Variants in THBS2 observed in about 807,000 individuals in gnomAD.
The protein encoded by THBS2 is thrombospondin 2, also known as thrombospondin-2.
A neutral mutation model predicts 135.2 loss-of-function variants in THBS2; 47 were observed. The ratio of observed to expected loss-of-function variants is 0.35; its 90% CI spans 0.28 to 0.44. The LOEUF is 0.44. Ranked by LOEUF, THBS2 falls within the 20% of genes least tolerant of loss-of-function variation. THBS2 has a pLI of 1.00. For missense variants in THBS2, 1,288 were observed against 1,603.1 expected, an observed-to-expected ratio of 0.80 and a Z score of 3.36; for synonymous variants, 639 against 633.8, an observed-to-expected ratio of 1.01 and a Z score of -0.12.
intron 21 of THBS2, chr6:169,219,743 A>C (rs1006780034): frequency 2.7e-5 from 14 of 516,280 alleles, no homozygotes; most frequent in South Asian, 4.2e-5. Flanking sequence ...ATGGAATTAG[A>C]GCAGATGGAA....
rs1779985925 is a variant in THBS2, at chr6:169,235,050, T to C, written c.1478-143A>G. 4.0e-6 allele frequency: 3 copies of C among 758,358 alleles called. No individual in the cohort carries two copies. In the South Asian group the frequency reaches 6.0e-5, roughly 15 times the overall value. 47.0% of individuals were successfully genotyped at this position (758,358 alleles called of 1,614,324 possible). A position where few individuals can be genotyped will look rare whatever the true frequency, so the allele number is the denominator to read the frequency against. ...CTGGTTTCTCCCCAGGTTGGCTGAC[T>C]ACAGGTCAGAGCGTGATCGCACCAC... On this transcript the variant is annotated intron_variant, in intron 9 of 21. Coordinates refer to ENST00000617924, the MANE Select transcript of THBS2 (RefSeq NM_003247.5).
rs762992635 is a variant in THBS2 at position 169,229,592 on chromosome 6, C to A, written c.2239G>T (p.Asp747Tyr). 6.2e-7 allele frequency: 1 copy of A among 1,614,126 alleles called. No individual in the cohort carries two copies. Among genetic ancestry groups the A allele is most frequent in the South Asian group, 1.1e-5 (1 of 91,074 alleles). ...GDACDDDDDN[D>Y]GVTDEKDNCQ... ...CCTACCTTCTCATCGGTCACACCGTCATTGTCATCGTCATCATCACAGGCA... is the reference window on the plus strand; with the variant it reads ...CCTACCTTCTCATCGGTCACACCGTAATTGTCATCGTCATCATCACAGGCA... Residue 747 changes from aspartate (D) to tyrosine (Y), a missense_variant, in exon 14 of 22, where the codon GAC becomes TAC. Around this residue, in one of 2 missense-constraint regions of THBS2, gnomAD observed 874 missense variants for 1,156.1 expected, o/e 0.76. Transcript: ENST00000617924.
chr6:169,232,867 C>T, intron 11 of THBS2, 23 bp downstream of exon 11: 1 of 1,604,108 alleles, frequency 6.2e-7, no homozygotes, highest in Admixed American at 1.7e-5. Context: ...AGGGCGCCCA[C>T]AGCCCAGGGC....
chr6:169,223,757 A>G (rs1779518203), intron 17 of THBS2, among the ~76,000 whole-genome samples: 1 of 152,328 alleles, frequency 6.6e-6, no homozygotes, highest in South Asian at 2.1e-4. Flanking sequence ...CCGTGTTCCA[A>G]ACTCAATGCT....
chr6:169,234,927 G>C lies in THBS2; in HGVS notation c.1478-20C>G. The C allele has an allele frequency of 6.6e-7, 1 of 1,512,198 alleles. No homozygotes were observed. The highest frequency in any genetic ancestry group is 8.9e-7 in the Non-Finnish European group (1 of 1,127,612). The allele number at this position is 1,512,198 out of a possible 1,614,324, so 93.7% of individuals were successfully genotyped here. ...CATCGACTGCGGGGAAAGCCAACCA[G>C]GGGGAGCTCAGAGCAAGACCCGGGG... On this transcript the variant is annotated intron_variant, in intron 9 of 21. Transcript: ENST00000617924.
At chr6:169,222,777 A>G (rs2114975990) in intron 18 of THBS2, among the ~76,000 whole-genome samples, 1 of 150,384 alleles carries the variant, frequency 6.6e-6, no homozygotes, top group Middle Eastern at 3.4e-3. Context: ...CTGGGGGACA[A>G]GAGCAAGACT....
intron 14 of THBS2, 113 bp from the exon 15 acceptor site, chr6:169,228,394 A>G: frequency 2.2e-6 from 3 of 1,351,224 alleles, no homozygotes; most frequent in Non-Finnish European, 3.0e-6. Context: ...ATAGAAATCA[A>G]ACAAACACAA....
chr6:169,221,721 A>G (rs968710613), intron 19 of THBS2, among the ~76,000 whole-genome samples, 194 bp from the exon 20 acceptor site: 2 of 152,304 alleles, frequency 1.3e-5, no homozygotes, highest in Admixed American at 1.3e-4. Context: ...AGTGTGGCTC[A>G]GGGCTGAGAG....
chr6:169,221,789 ATTCC>A (rs1277710372), intron 19 of THBS2, among the ~76,000 whole-genome samples: 1 of 152,132 alleles, frequency 6.6e-6, no homozygotes, highest in African/African-American at 2.4e-5. Context: ...TGATCCTCAG[ATTCC>A]TGGGTTCATG....
intron 15 of THBS2, among the ~76,000 whole-genome samples, chr6:169,226,828 CA>C (rs1425131932): frequency 6.6e-6 from 1 of 152,146 alleles, no homozygotes; most frequent in Non-Finnish European, 1.5e-5. Flanking sequence ...GTGACAGTGT[CA>C]CAAATGACAG....
chr6:169,221,532 G>T lies in THBS2; in HGVS notation c.3274-5C>A. Reference sequence around the variant, plus strand: ...GTCGTGCCATAAGGTTCGCACCTGAGAGAGAACATAGCACTCTTGAGTGCC... The same window carrying T: ...GTCGTGCCATAAGGTTCGCACCTGATAGAGAACATAGCACTCTTGAGTGCC... On this transcript the variant is annotated splice_polypyrimidine_tract_variant and splice_region_variant and intron_variant, in intron 19 of 21. Transcript: ENST00000617924. 2 of 1,613,764 alleles carry T rather than the reference G, an allele frequency of 1.2e-6. No individual in the cohort carries two copies. Among genetic ancestry groups the T allele is most frequent in the Non-Finnish European group, 1.7e-6 (2 of 1,179,980 alleles).
chr6:169,235,980 ACTCCC>A (rs1780032671), intron 9 of THBS2, among the ~76,000 whole-genome samples: 1 of 27,686 alleles, frequency 3.6e-5, no homozygotes. Flanking sequence ...ATCCACACTC[ACTCCC>A]CCATCCACAC....
chr6:169,218,136 AGATGGATG>A (rs759427329), intron 21 of THBS2, among the ~76,000 whole-genome samples: 2 of 126,958 alleles, frequency 1.6e-5, no homozygotes, highest in East Asian at 2.5e-4. Context: ...TGGGTGGATG[AGATGGATG>A]GATGGATGGA....
chr6:169,242,028 G>C, intron 4 of THBS2, 70 bp from the exon 5 acceptor site: 1 of 1,521,414 alleles, frequency 6.6e-7, no homozygotes, highest in Non-Finnish European at 8.8e-7. Flanking sequence ...TGGGAACAGA[G>C]GGAGGATGAC....
At chr6:169,219,051 GAGAT>G (rs1361912083) in intron 21 of THBS2, among the ~76,000 whole-genome samples, 4 of 149,786 alleles carry the variant, frequency 2.7e-5, no homozygotes, top group East Asian at 4.1e-4. Flanking sequence ...GTGGGTGGAT[GAGAT>G]GGATGGATGG....
intron 1 of THBS2, chr6:169,251,920 C>G (rs1342759250): frequency 6.6e-6 from 1 of 151,510 alleles, no homozygotes; most frequent in Admixed American, 6.6e-5. Flanking sequence ...AGCAGCACGG[C>G]CTGCGGCCGG....
Position 169,228,243 on chromosome 6 carries a change from G to A in THBS2, c.2298C>T (p.Asp766=), listed in dbSNP as rs753664960. ...GGTCCCCAACCTCATCCTTGTCATAGTCAGCCTGGCGGGGATTGAAGAGGA... is the reference window on the plus strand; with the variant it reads ...GGTCCCCAACCTCATCCTTGTCATAATCAGCCTGGCGGGGATTGAAGAGGA... The part of the protein sequence containing the change: ...CQLLFNPRQA[D]YDKDEVGDRC... The change falls in exon 15 of 22, where the codon GAC becomes GAT. Residue 766 remains aspartate (D), a synonymous_variant. Coordinates refer to ENST00000617924, the MANE Select transcript of THBS2 (RefSeq NM_003247.5). The A allele has an allele frequency of 4.3e-6, 7 of 1,614,084 alleles. No individual in the cohort carries two copies. The East Asian group carries it at 1.6e-4, about 36-fold the overall frequency.
In THBS2 at chr6:169,232,703, G is replaced by C. The variant is rs748776522; in HGVS notation, c.1893C>G (p.Pro631=). The C allele has an allele frequency of 1.9e-6, 3 of 1,613,020 alleles. No homozygotes were observed. In the African/African-American group the frequency reaches 4.0e-5, roughly 22 times the overall value. Residue 631 remains proline (P), a synonymous_variant, in exon 12 of 22, where the codon CCC becomes CCG. Coordinates refer to ENST00000617924, the MANE Select transcript of THBS2 (RefSeq NM_003247.5). Reference sequence around the variant, plus strand: ...TGGCTGCTTCCAGGCCGACCCCGACGGGCTGGTTCCCTCTGTATCGGGGCG... The same window carrying C: ...TGGCTGCTTCCAGGCCGACCCCGACCGGCTGGTTCCCTCTGTATCGGGGCG... ...PCPPRYRGNQ[P]VGVGLEAAKT... is the part of the protein sequence containing the mutation.
chr6:169,237,088 G>A lies in THBS2; in HGVS notation c.1477+82C>T, dbSNP rs527782927. ...GGGCTGGAACAGGCCCTGACACCCC[G>A]GATCCCGGCTCCAGCTGTGGCTGCT... On this transcript the variant is annotated intron_variant, in intron 9 of 21. Coordinates refer to ENST00000617924, the MANE Select transcript of THBS2 (RefSeq NM_003247.5). The A allele has an allele frequency of 3.2e-5, 47 of 1,483,816 alleles. No individual in the cohort carries two copies. In the East Asian group the frequency reaches 3.3e-4, roughly 10 times the overall value. The allele number at this position is 1,483,816 out of a possible 1,614,324, so 91.9% of individuals were successfully genotyped here.
Sources: allele counts gnomAD v4.1 joint callset (sites outside exome capture counted in the v4.1 genomes callset), GRCh38; gene constraint gnomAD v4.1.1; regional missense constraint gnomAD v4.1.1; transcripts MANE v1.5; gene names NCBI Gene and HGNC (gene_info 2026-07-23, HGNC 2026-07-21).